ACTN2: variants seen among roughly 807,000 people sequenced by gnomAD.
The protein encoded by ACTN2 is actinin alpha 2, also known as alpha-actinin-2.
In ACTN2, 39 loss-of-function variants were observed where a neutral mutation model predicts 113.8. The observed-to-expected ratio is 0.34, with a 90% CI of 0.27 to 0.45. The LOEUF is 0.45. Among genes scored for constraint, ACTN2 ranks in the 20% least tolerant of loss-of-function variants. The pLI is 1.00. For synonymous variants in ACTN2, 429 were observed against 444.1 expected (o/e 0.97, Z 0.43); for missense variants, 992 against 1,177.9 (o/e 0.84, Z 2.31).
intron 8 of ACTN2, 22 bp from the exon 9 acceptor site, chr1:236,737,100 G>A (rs759237094): frequency 3.1e-6 from 5 of 1,588,884 alleles, no homozygotes; most frequent in East Asian, 4.6e-5. Flanking sequence ...GAGCCGTCCT[G>A]TTTACCTATT....
rs536751065 is a variant in ACTN2 at position 236,749,674 on chromosome 1, G to A, written c.1656+410G>A. 5.3e-5 allele frequency among the ~76,000 whole-genome samples: 8 copies of A among 152,192 alleles called. No homozygotes were observed. In the South Asian group the frequency reaches 1.5e-3, roughly 28 times the overall value. ...AAATTAGCTGGGTGTGGTGGTGCAC[G>A]CCTGGAGTCCCAGCTACTGGGAAGG... is the stretch of plus-strand genomic sequence containing the variant. On this transcript the variant is annotated intron_variant, in intron 14 of 20. Transcript: ENST00000366578.
rs545428490 is a variant in ACTN2 at position 236,723,447 on chromosome 1, G to T, written c.449-2486G>T. 1.8e-4 allele frequency among the ~76,000 whole-genome samples: 28 copies of T among 152,182 alleles called. No individual in the cohort carries two copies. In the East Asian group the frequency reaches 3.1e-3, roughly 17 times the overall value. On this transcript the variant is annotated intron_variant, in intron 4 of 20. Coordinates refer to ENST00000366578, the MANE Select transcript of ACTN2 (RefSeq NM_001103.4). ...AAGAAAGTATGAACTAAAATGGACAGTTTTTTGTTTTGTGTTGTTTTGTTT... is the reference window on the plus strand; with the variant it reads ...AAGAAAGTATGAACTAAAATGGACATTTTTTTGTTTTGTGTTGTTTTGTTT...
At chr1:236,729,952 A>G (rs1658667329) in intron 6 of ACTN2, among the ~76,000 whole-genome samples, 1 of 152,248 alleles carries the variant, frequency 6.6e-6, no homozygotes. Context: ...CTTATATAGC[A>G]CCAGGGCAGG....
chr1:236,691,247 G>T (rs981204118), intron 1 of ACTN2, among the ~76,000 whole-genome samples: 6 of 151,698 alleles, frequency 4.0e-5, no homozygotes, highest in Non-Finnish European at 8.8e-5. Flanking sequence ...CCAGCCTGGC[G>T]TACTTTTAAA....
At chr1:236,742,285 T>G (rs376039095) in intron 10 of ACTN2, among the ~76,000 whole-genome samples, 1 of 151,452 alleles carries the variant, frequency 6.6e-6, no homozygotes. Context: ...GGAAGCTGCA[T>G]GGGAACTTTA....
intron 1 of ACTN2, among the ~76,000 whole-genome samples, chr1:236,701,941 A>T (rs1657689489): frequency 6.6e-6 from 1 of 152,184 alleles, no homozygotes; most frequent in South Asian, 2.1e-4. Context: ...TTGGTAGGGA[A>T]GCAGGAAAAA....
chr1:236,738,703 A>C (rs2102921570), intron 9 of ACTN2, among the ~76,000 whole-genome samples: 1 of 152,372 alleles, frequency 6.6e-6, no homozygotes. Context: ...AGACCTAGGT[A>C]GTAATTCAAG....
chr1:236,694,134 G>A (rs1432600195), intron 1 of ACTN2, among the ~76,000 whole-genome samples: 1 of 152,034 alleles, frequency 6.6e-6, no homozygotes, highest in East Asian at 1.9e-4. Context: ...CCCCAACAAG[G>A]GCTATGAGCA....
intron 9 of ACTN2, 24 bp downstream of exon 9, chr1:236,737,238 G>A: frequency 6.5e-7 from 1 of 1,535,162 alleles, no homozygotes; most frequent in Non-Finnish European, 8.9e-7. Context: ...GTGACCTGCA[G>A]TTCTGTCCAT....
chr1:236,689,514 A>T (rs1280049432), intron 1 of ACTN2, among the ~76,000 whole-genome samples: 1 of 151,688 alleles, frequency 6.6e-6, no homozygotes, highest in African/African-American at 2.4e-5. Context: ...ACACATGGCT[A>T]ATTTTTTTAT....
chr1:236,690,432 T>C (rs1298956430), intron 1 of ACTN2, among the ~76,000 whole-genome samples: 1 of 152,190 alleles, frequency 6.6e-6, no homozygotes, highest in East Asian at 1.9e-4. Context: ...CTCAGATTCA[T>C]GAGACCCAGA....
chr1:236,691,030 C>T (rs988093202), intron 1 of ACTN2, among the ~76,000 whole-genome samples: 1 of 150,998 alleles, frequency 6.6e-6, no homozygotes, highest in Non-Finnish European at 1.5e-5. Context: ...CTCCGTCTCC[C>T]GGGTTCAAGC....
At chr1:236,737,041 T>G (rs2102918957) in intron 8 of ACTN2, 81 bp from the exon 9 acceptor site, 2 of 1,222,220 alleles carry the variant, frequency 1.6e-6, no homozygotes, top group Non-Finnish European at 2.4e-6. Flanking sequence ...CCTCGTCCCC[T>G]CTCATCACCC....
Position 236,736,510 on chromosome 1 carries a change from C to A in ACTN2, c.784-612C>A, listed in dbSNP as rs1004713096. 6.3e-6 allele frequency: 8 copies of A among 1,260,726 alleles called. No individual in the cohort carries two copies. The South Asian group carries it at 6.7e-5, about 11-fold the overall frequency. 78.1% of individuals were successfully genotyped at this position (1,260,726 alleles called of 1,614,324 possible). On this transcript the variant is annotated intron_variant, in intron 8 of 20. Coordinates refer to ENST00000366578, the MANE Select transcript of ACTN2 (RefSeq NM_001103.4). ...CACTCCTGCCCCAAGTTCCTTTCCACGAAAGATGACAGAGAATTGTGTATT... is the reference window on the plus strand; with the variant it reads ...CACTCCTGCCCCAAGTTCCTTTCCAAGAAAGATGACAGAGAATTGTGTATT...
intron 12 of ACTN2, among the ~76,000 whole-genome samples, chr1:236,745,297 G>A (rs1408493452): frequency 2.0e-5 from 3 of 152,172 alleles, no homozygotes; most frequent in Admixed American, 6.5e-5. Flanking sequence ...AGCCGGGCCT[G>A]GTGGCGGGTG....
chr1:236,718,011 A>G, intron 2 of ACTN2, 39 bp downstream of exon 2: 2 of 1,471,050 alleles, frequency 1.4e-6, no homozygotes, highest in South Asian at 1.2e-5. Flanking sequence ...TTCATGTGTT[A>G]TCAGTAGGTG....
chr1:236,713,131 G>C (rs1572107735), intron 1 of ACTN2, among the ~76,000 whole-genome samples: 1 of 151,496 alleles, frequency 6.6e-6, no homozygotes, highest in African/African-American at 2.4e-5. Flanking sequence ...ATAAAATACG[G>C]TTTATACACT....
intron 2 of ACTN2, among the ~76,000 whole-genome samples, chr1:236,718,566 G>A (rs1163461800): frequency 1.3e-5 from 2 of 152,156 alleles, no homozygotes; most frequent in East Asian, 3.8e-4. Context: ...CTAACCGTTA[G>A]CCAGCAACTC....
At position 236,737,297 on chromosome 1, in the gene ACTN2, G is replaced by GTT; in HGVS notation, c.876+83_876+84insTT. 5.6e-5 allele frequency: 18 copies of GTT among 322,234 alleles called. 2 individuals are homozygous for GTT. The highest frequency in any genetic ancestry group is 4.4e-4 in the African/African-American group (16 of 36,432). 20.0% of individuals were successfully genotyped at this position (322,234 alleles called of 1,614,324 possible). A position where few individuals can be genotyped will look rare whatever the true frequency, so the allele number is the denominator to read the frequency against. Reference sequence around the variant, plus strand: ...GAGGGTGAAAAAATACTCCGTGGGGGCATATATATATATATATATATTTTG... The same window carrying GTT: ...GAGGGTGAAAAAATACTCCGTGGGGGTTCATATATATATATATATATATTTTG... On this transcript the variant is annotated intron_variant, in intron 9 of 20. Transcript: ENST00000366578.
Sources: gnomAD v4.1 joint callset for allele counts (sites outside exome capture counted in the v4.1 genomes callset) on GRCh38, gnomAD v4.1.1 for gene constraint, MANE v1.5 for transcripts, NCBI Gene and HGNC (gene_info 2026-07-23, HGNC 2026-07-21) for gene names.